The following PEX14 variants were observed in gnomAD, a reference collection of about 807,000 sequenced individuals.
PEX14 encodes peroxisomal membrane protein PEX14.
In PEX14, 15 loss-of-function variants were observed where a neutral mutation model predicts 49.5. That is an observed-to-expected ratio of 0.30 (90% CI 0.20 to 0.47). The LOEUF (loss-of-function observed/expected upper bound fraction) is 0.47, where lower values mean the gene tolerates loss of function less well. Ranked by LOEUF, PEX14 falls within the 20% of genes least tolerant of loss-of-function variation. The probability of loss-of-function intolerance (pLI) is 1.00; values close to 1 mark genes in which losing one functional copy is unlikely to be tolerated. For missense variants in PEX14, 398 were observed against 494.8 expected (o/e 0.80, Z 1.86); for synonymous variants, 210 against 212.7 (o/e 0.99, Z 0.11).
intron 4 of PEX14, among the ~76,000 whole-genome samples, chr1:10,615,617 G>A (rs544153313): frequency 3.9e-5 from 6 of 152,348 alleles, no homozygotes; most frequent in Middle Eastern, 6.8e-3. Context: ...AAATGCACAC[G>A]CCCTGGGACC....
At chr1:10,577,531 T>C (rs1238185866) in intron 3 of PEX14, among the ~76,000 whole-genome samples, 1 of 1,112 alleles carries the variant, frequency 9.0e-4, no homozygotes, top group African/African-American at 1.6e-3. Flanking sequence ...ACACTATACA[T>C]ATATATATAT....
chr1:10,630,243 A>G lies in PEX14; in HGVS notation c.*256A>G, dbSNP rs373498478. On this transcript the variant is annotated 3_prime_UTR_variant, in exon 9 of 9. Coordinates refer to ENST00000356607, the MANE Select transcript of PEX14 (RefSeq NM_004565.3). The surrounding 1 kb of genome is among the most constrained non-coding windows in gnomAD (Gnocchi z 4.1). ...CTGCCTTTGGCTTTGATCTCAAGTCAGGCTGAAGGCAGCGAAGCCTCGGGG... is the reference window on the plus strand; with the variant it reads ...CTGCCTTTGGCTTTGATCTCAAGTCGGGCTGAAGGCAGCGAAGCCTCGGGG... The G allele has an allele frequency of 2.5e-5, 15 of 596,854 alleles. No homozygotes were observed. Among genetic ancestry groups the G allele is most frequent in the East Asian group, 2.0e-4 (7 of 35,212 alleles). 37.0% of individuals were successfully genotyped at this position (596,854 alleles called of 1,614,324 possible).
chr1:10,587,895 C>CT (rs762006360), intron 3 of PEX14, among the ~76,000 whole-genome samples: 28 of 54,378 alleles, frequency 5.1e-4, no homozygotes, highest in African/African-American at 9.0e-4. Flanking sequence ...CACACATGTG[C>CT]TTTTTTTTTT....
Position 10,629,440 on chromosome 1 carries a change from C to T in PEX14, c.678-91C>T. 1 of 872,892 alleles carries T rather than the reference C, an allele frequency of 1.1e-6. No individual in the cohort carries two copies. Among genetic ancestry groups the T allele is most frequent in the Non-Finnish European group, 1.9e-6 (1 of 526,264 alleles). The allele number at this position is 872,892 out of a possible 1,614,324, so 54.1% of individuals were successfully genotyped here. On this transcript the variant is annotated intron_variant, in intron 8 of 8. Coordinates refer to ENST00000356607, the MANE Select transcript of PEX14 (RefSeq NM_004565.3). This position sits in a 1 kb window ranked among gnomAD's most constrained non-coding sequence, Gnocchi z 8.5. ...TCCCTGGGGGAGCAGCTCACCATCGCCGAGCCCTTGCGGGTCAGGGAAGGC... is the reference window on the plus strand; with the variant it reads ...TCCCTGGGGGAGCAGCTCACCATCGTCGAGCCCTTGCGGGTCAGGGAAGGC...
At position 10,512,776 on chromosome 1, in the gene PEX14, G is replaced by A. The variant is rs1641907092; in HGVS notation, c.84+17455G>A. Among the ~76,000 whole-genome samples, 1 of 151,900 alleles carries A rather than the reference G, an allele frequency of 6.6e-6. No homozygotes were observed. Among genetic ancestry groups the A allele is most frequent in the African/African-American group, 2.4e-5 (1 of 41,330 alleles). ...TGCAGTGGCGTGATGTCGGCTCACTGCAACCTCCGCCTCACGGGTTCAAGC... is the reference window on the plus strand; with the variant it reads ...TGCAGTGGCGTGATGTCGGCTCACTACAACCTCCGCCTCACGGGTTCAAGC... On this transcript the variant is annotated intron_variant, in intron 2 of 8. Coordinates refer to ENST00000356607, the MANE Select transcript of PEX14 (RefSeq NM_004565.3). This position sits in a 1 kb window ranked among gnomAD's most constrained non-coding sequence, Gnocchi z 4.6.
intron 3 of PEX14, among the ~76,000 whole-genome samples, chr1:10,577,017 C>T (rs1192065388): frequency 6.6e-6 from 1 of 151,298 alleles, no homozygotes; most frequent in East Asian, 2.0e-4. Context: ...TCTAGGATTA[C>T]AGGCGTGAGC....
chr1:10,620,849 G>A (rs992210509), intron 5 of PEX14, among the ~76,000 whole-genome samples: 2 of 152,204 alleles, frequency 1.3e-5, no homozygotes, highest in Non-Finnish European at 2.9e-5. Flanking sequence ...CTTGGGACCC[G>A]GTTCTTCTCC....
At position 10,536,207 on chromosome 1, in the gene PEX14, C is replaced by T. The variant is rs886044596; in HGVS notation, c.85-6C>T. On this transcript the variant is annotated splice_region_variant and splice_polypyrimidine_tract_variant and intron_variant, in intron 2 of 8. Transcript: ENST00000356607. ...GTTTACTCCTCTATTTTCTCTCTCT[C>T]ACCAGATTGCCACGGCAGTGAAGTT... 2 of 1,587,406 alleles carry T rather than the reference C, an allele frequency of 1.3e-6. No individual in the cohort carries two copies. Among genetic ancestry groups the T allele is most frequent in the Admixed American group, 1.7e-5 (1 of 59,980 alleles).
chr1:10,591,678 G>T (rs937069916), intron 3 of PEX14, among the ~76,000 whole-genome samples: 4 of 80,776 alleles, frequency 5.0e-5, no homozygotes, highest in Admixed American at 2.4e-4. Context: ...TGTGTGTGTG[G>T]ACTTCTCTGT....
chr1:10,544,035 C>T (rs923964959), intron 3 of PEX14, among the ~76,000 whole-genome samples: 7 of 152,074 alleles, frequency 4.6e-5, no homozygotes, highest in African/African-American at 9.7e-5. Flanking sequence ...GGATCTGGGC[C>T]GGGTTGGTAG....
intron 7 of PEX14, among the ~76,000 whole-genome samples, chr1:10,626,243 G>A (rs1641741372): frequency 2.0e-5 from 3 of 152,168 alleles, no homozygotes; most frequent in African/African-American, 7.2e-5. Flanking sequence ...GTCCCTTGTA[G>A]GCCAGTGAGT....
At chr1:10,475,148 C>A in intron 1 of PEX14, 146 bp downstream of exon 1, 1 of 731,760 alleles carries the variant, frequency 1.4e-6, no homozygotes, top group Non-Finnish European at 2.4e-6. Flanking sequence ...CCGCCCCTCC[C>A]CAGGTCCTCC....
At chr1:10,493,498 G>T (rs1469505134) in intron 1 of PEX14, among the ~76,000 whole-genome samples, 2 of 152,124 alleles carry the variant, frequency 1.3e-5, no homozygotes, top group Non-Finnish European at 2.9e-5. Flanking sequence ...TGTGATCATG[G>T]TGTACTGCAG....
At chr1:10,531,047 T>TCGG (rs1638635548) in intron 2 of PEX14, among the ~76,000 whole-genome samples, 2 of 151,584 alleles carry the variant, frequency 1.3e-5, no homozygotes, top group Non-Finnish European at 3.0e-5. Context: ...GCGTGTAGAC[T>TCGG]TGAGAAAGAA....
rs727504081 is a variant in PEX14, at chr1:10,629,677, C to T, written c.824C>T (p.Ser275Leu). 2.4e-5 allele frequency: 38 copies of T among 1,613,598 alleles called. No homozygotes were observed. In the Admixed American group the frequency reaches 3.3e-4, roughly 14 times the overall value. Residue 275 changes from serine (S) to leucine (L), a missense_variant, in exon 9 of 9, where the codon TCG (serine) becomes TTG (leucine). Ser to Leu is a moderately radical substitution (Grantham distance 145). Transcript: ENST00000356607. The surrounding 1 kb of genome is among the most constrained non-coding windows in gnomAD (Gnocchi z 8.5). ...SPVSNESTSS[S>L]PGKEGHSPEG... is the part of the protein sequence containing the mutation. ...GTCAGCAACGAGTCCACGTCGTCCT[C>T]GCCTGGGAAGGAGGGCCACAGCCCC...
rs1208700052 is a variant in PEX14 at position 10,623,128 on chromosome 1, A to T, written c.487+7A>T. ...GGCAGCGTGGCCCAGACAGGTAAAG[A>T]TTAATGACTCCATCAAGTCACCCCT... is the stretch of plus-strand genomic sequence containing the variant. On this transcript the variant is annotated splice_region_variant and intron_variant, in intron 6 of 8. Coordinates refer to ENST00000356607, the MANE Select transcript of PEX14 (RefSeq NM_004565.3). The surrounding 1 kb of genome is among the most constrained non-coding windows in gnomAD (Gnocchi z 4.4). The T allele has an allele frequency of 1.3e-6, 2 of 1,594,902 alleles. No individual in the cohort carries two copies. Among genetic ancestry groups the T allele is most frequent in the Admixed American group, 1.7e-5 (1 of 59,874 alleles).
chr1:10,551,926 C>T (rs1412099392), intron 3 of PEX14, among the ~76,000 whole-genome samples: 1 of 151,976 alleles, frequency 6.6e-6, no homozygotes. Flanking sequence ...AACCCCGCCT[C>T]TACTAAAAAT....
intron 3 of PEX14, among the ~76,000 whole-genome samples, chr1:10,592,814 C>G (rs1424224485): frequency 6.6e-6 from 1 of 152,366 alleles, no homozygotes; most frequent in Non-Finnish European, 1.5e-5. Context: ...CCCCCAAACT[C>G]ACATTCGATT....
intron 3 of PEX14, among the ~76,000 whole-genome samples, chr1:10,591,595 T>A (rs2124588772): frequency 6.6e-6 from 1 of 152,076 alleles, no homozygotes; most frequent in Non-Finnish European, 1.5e-5. Flanking sequence ...ATAACCAGTG[T>A]TACCAGTTTC....
Sources: allele counts gnomAD v4.1 joint callset (sites outside exome capture counted in the v4.1 genomes callset), GRCh38; gene constraint gnomAD v4.1.1; non-coding constraint Gnocchi (gnomAD v3.1); transcripts MANE v1.5; gene names NCBI Gene and HGNC (gene_info 2026-07-23, HGNC 2026-07-21).